Variants in UHRF1 observed in about 807,000 individuals in gnomAD.
UHRF1 encodes ubiquitin like with PHD and ring finger domains 1.
UHRF1 carries 9 observed loss-of-function variants against 96.5 expected under a neutral mutation model. That is an observed-to-expected ratio of 0.09 (90% CI 0.06 to 0.16). UHRF1 has a LOEUF of 0.16. UHRF1 is among the 10% of genes least tolerant of loss of function. UHRF1 has a pLI of 1.00. For missense variants in UHRF1, 626 were observed against 1,131.1 expected (o/e 0.55, Z 6.40); for synonymous variants, 455 against 469.9 (o/e 0.97, Z 0.41).
At chr19:4,928,071 T>G (rs1439800161) in intron 2 of UHRF1, among the ~76,000 whole-genome samples, 2 of 152,090 alleles carry the variant, frequency 1.3e-5, no homozygotes, top group Non-Finnish European at 2.9e-5. Context: ...TGTGGAATCC[T>G]TCACCAGGGG....
At chr19:4,905,891 C>T (rs138704389), upstream of UHRF1, among the ~76,000 whole-genome samples, 67 of 152,314 alleles carry the variant, frequency 4.4e-4, 1 homozygote, top group East Asian at 0.013. Flanking sequence ...AAAGATTGGA[C>T]ACCCCTGCTC....
intron 2 of UHRF1, among the ~76,000 whole-genome samples, chr19:4,926,815 G>A (rs567334369): frequency 2.3e-4 from 35 of 151,418 alleles, no homozygotes; most frequent in African/African-American, 6.1e-4. Context: ...CTGTAATCCC[G>A]GCACTTTGGA....
At chr19:4,917,950 T>C (rs1348662608) in intron 2 of UHRF1, among the ~76,000 whole-genome samples, 1 of 151,970 alleles carries the variant, frequency 6.6e-6, no homozygotes, top group African/African-American at 2.4e-5. Context: ...CATGAGCTAT[T>C]GGGCCTGGCC....
At chr19:4,926,747 A>G (rs2032883287) in intron 2 of UHRF1, among the ~76,000 whole-genome samples, 1 of 151,418 alleles carries the variant, frequency 6.6e-6, no homozygotes, top group Non-Finnish European at 1.5e-5. Context: ...CCTTGGCAAC[A>G]GAGTGAGATC....
chr19:4,920,015 C>G (rs1287570943), intron 2 of UHRF1, among the ~76,000 whole-genome samples: 1 of 152,042 alleles, frequency 6.6e-6, no homozygotes, highest in Non-Finnish European at 1.5e-5. Flanking sequence ...CGGAGTTTCT[C>G]CATGTTGGTC....
At chr19:4,922,423 G>C (rs368449762) in intron 2 of UHRF1, among the ~76,000 whole-genome samples, 1 of 150,856 alleles carries the variant, frequency 6.6e-6, no homozygotes, top group Non-Finnish European at 1.5e-5. Flanking sequence ...CCACCACCAC[G>C]CCCGGGTAAT....
In UHRF1 at chr19:4,929,231, G is replaced by A. The variant is rs767085219; in HGVS notation, c.163G>A (p.Gly55Ser). The A allele has an allele frequency of 4.3e-6, 7 of 1,611,470 alleles. No homozygotes were observed. Among genetic ancestry groups the A allele is most frequent in the Non-Finnish European group, 5.1e-6 (6 of 1,178,032 alleles). The change falls in exon 3 of 17, where the codon GGC (glycine) becomes AGC (serine). Residue 55 changes from glycine to serine, a missense_variant. This residue lies in a region of UHRF1 where 53 missense variants were observed against 95.9 expected (regional missense o/e 0.55). Transcript: ENST00000650932. The stretch of plus-strand genomic sequence containing the variant: ...TCTGGTGTCCCTGCAGATGGAGGAC[G>A]GCCATACCCTCTTCGACTACGAGGT... ...LFYRGKQMED[G>S]HTLFDYEVRL...
intron 11 of UHRF1, among the ~76,000 whole-genome samples, chr19:4,948,679 G>A (rs1421147089): frequency 6.6e-6 from 1 of 152,084 alleles, no homozygotes; most frequent in Non-Finnish European, 1.5e-5. Flanking sequence ...GCAGGCACCT[G>A]TAATCCCAGC....
chr19:4,932,715 G>A, intron 4 of UHRF1, 26 bp from the exon 5 acceptor site: 2 of 1,611,572 alleles, frequency 1.2e-6, no homozygotes, highest in South Asian at 1.1e-5. Context: ...TTAGCACGGG[G>A]TCTAAGGCCC....
At chr19:4,945,756 AAAGTGAGG>A (rs2033544630) in intron 9 of UHRF1, 97 bp from the exon 10 acceptor site, 1 of 953,016 alleles carries the variant, frequency 1.0e-6, no homozygotes, top group African/African-American at 1.6e-5. Context: ...GTTTGGTGTA[AAAGTGAGG>A]CCGCTGGCTG....
At chr19:4,918,473 G>A (rs867273884) in intron 2 of UHRF1, among the ~76,000 whole-genome samples, 3 of 149,372 alleles carry the variant, frequency 2.0e-5, no homozygotes, top group African/African-American at 7.4e-5. Flanking sequence ...GCTGGAGTGC[G>A]TTGGCTTGAT....
chr19:4,918,761 C>T (rs2032608219), intron 2 of UHRF1, among the ~76,000 whole-genome samples: 2 of 142,094 alleles, frequency 1.4e-5, no homozygotes, highest in African/African-American at 5.4e-5. Context: ...TGCTCTGTTG[C>T]CCAGGCTGGA....
At chr19:4,920,519 T>A (rs2032669321) in intron 2 of UHRF1, among the ~76,000 whole-genome samples, 1 of 152,170 alleles carries the variant, frequency 6.6e-6, no homozygotes, top group South Asian at 2.1e-4. Context: ...TTTTGCTCAT[T>A]TCTACCCTAC....
intron 5 of UHRF1, among the ~76,000 whole-genome samples, chr19:4,938,086 GGA>G (rs2033270761): frequency 6.6e-6 from 1 of 151,954 alleles, no homozygotes; most frequent in African/African-American, 2.4e-5. Context: ...CCTGGGAGGT[GGA>G]GGTTGCAGTG....
At chr19:4,936,403 G>A (rs1333943313) in intron 5 of UHRF1, among the ~76,000 whole-genome samples, 1 of 152,178 alleles carries the variant, frequency 6.6e-6, no homozygotes, top group Non-Finnish European at 1.5e-5. Flanking sequence ...GGAGATGCGT[G>A]CTCTGAGACA....
intron 5 of UHRF1, among the ~76,000 whole-genome samples, chr19:4,934,610 C>T (rs576056245): frequency 1.3e-5 from 2 of 152,210 alleles, no homozygotes; most frequent in Non-Finnish European, 2.9e-5. Context: ...TGAGGTGCAT[C>T]AGGCTGTAGC....
At chr19:4,949,121 CAAA>C (rs35300036) in intron 11 of UHRF1, among the ~76,000 whole-genome samples, 7 of 138,596 alleles carry the variant, frequency 5.1e-5, no homozygotes, top group Admixed American at 7.1e-5. Flanking sequence ...GGTGACAGAG[CAAA>C]AAAAAAAAAA....
rs1416709023 is a variant in UHRF1 at position 4,930,509 on chromosome 19, C to T, written c.409-207C>T. On this transcript the variant is annotated intron_variant, in intron 3 of 16. Coordinates refer to ENST00000650932, the MANE Select transcript of UHRF1 (RefSeq NM_001048201.3). The surrounding 1 kb of genome is among the most constrained non-coding windows in gnomAD (Gnocchi z 4.4). ...CCGCAGGGGCCTTTGTTAAGACAGTCCATGCCCCCTGGCCCCGCATCCCCG... is the reference window on the plus strand; with the variant it reads ...CCGCAGGGGCCTTTGTTAAGACAGTTCATGCCCCCTGGCCCCGCATCCCCG... 6.6e-6 allele frequency among the ~76,000 whole-genome samples: 1 copy of T among 152,242 alleles called. No individual in the cohort carries two copies. Among genetic ancestry groups the T allele is most frequent in the Non-Finnish European group, 1.5e-5 (1 of 68,038 alleles).
rs73921811 is a variant in UHRF1, at chr19:4,935,789, A to G, written c.785+2833A>G. Among the ~76,000 whole-genome samples the G allele has an allele frequency of 7.1e-3, 1,081 of 152,184 alleles. 20 individuals are homozygous for G. Among genetic ancestry groups the G allele is most frequent in the African/African-American group, 0.025 (1,017 of 41,496 alleles). ...AAGTGACAGCCCTGTCCATACTTTTATGGGGAGAAACGCCTACAAATGCGT... is the reference window on the plus strand; with the variant it reads ...AAGTGACAGCCCTGTCCATACTTTTGTGGGGAGAAACGCCTACAAATGCGT... On this transcript the variant is annotated intron_variant, in intron 5 of 16. Transcript: ENST00000650932.
Sources: allele counts gnomAD v4.1 joint callset (sites outside exome capture counted in the v4.1 genomes callset), GRCh38; gene constraint gnomAD v4.1.1; regional missense constraint gnomAD v4.1.1; non-coding constraint Gnocchi (gnomAD v3.1); transcripts MANE v1.5; gene names NCBI Gene and HGNC (gene_info 2026-07-23, HGNC 2026-07-21).